Variants in GREM2 observed in about 807,000 individuals in gnomAD.
GREM2 encodes the protein gremlin 2, DAN family BMP antagonist.
In GREM2, 11 loss-of-function variants were observed where a neutral mutation model predicts 14.2. That is an observed-to-expected ratio of 0.78 (90% confidence interval 0.49 to 1.28). GREM2 has a LOEUF of 1.28. Among genes scored for constraint, GREM2 ranks in the 50% most tolerant of loss-of-function variants. The probability of loss-of-function intolerance (pLI) is 0.00; values close to 1 mark genes in which losing one functional copy is unlikely to be tolerated. For missense variants in GREM2, 210 were observed against 218.5 expected (o/e 0.96, Z 0.24); for synonymous variants, 98 against 97.6 (o/e 1.00, Z -0.02).
intron 1 of GREM2, among the ~76,000 whole-genome samples, chr1:240,514,247 CAAAAAAA>C (rs34702912): frequency 0.01 from 832 of 80,288 alleles, 10 homozygotes; most frequent in African/African-American, 0.037. Flanking sequence ...GATTCCATCT[CAAAAAAA>C]AAAAAAAAAA....
At chr1:240,564,445 T>C (rs1421181754) in intron 1 of GREM2, among the ~76,000 whole-genome samples, 1 of 148,962 alleles carries the variant, frequency 6.7e-6, no homozygotes, top group Non-Finnish European at 1.5e-5. Flanking sequence ...GAGATGGAGG[T>C]TGCAATGAGC....
intron 1 of GREM2, among the ~76,000 whole-genome samples, chr1:240,595,796 T>C (rs939003363): frequency 6.6e-6 from 1 of 152,192 alleles, no homozygotes; most frequent in Non-Finnish European, 1.5e-5. Context: ...GAGAATTAAA[T>C]GAGACTGTGT....
chr1:240,610,078 C>T (rs1027259793), intron 1 of GREM2, among the ~76,000 whole-genome samples: 8 of 152,074 alleles, frequency 5.3e-5, no homozygotes, highest in African/African-American at 1.4e-4. Flanking sequence ...CCGTCTCACA[C>T]TCACAAAGTT....
chr1:240,534,838 C>T (rs4559489), intron 1 of GREM2, among the ~76,000 whole-genome samples: 138,511 of 152,234 alleles, frequency 0.91, 63,047 homozygotes, highest in East Asian at 0.95. Context: ...GGTGTATGGG[C>T]GGGAAGAAGG....
At chr1:240,563,214 T>C (rs1173756774) in intron 1 of GREM2, among the ~76,000 whole-genome samples, 1 of 151,596 alleles carries the variant, frequency 6.6e-6, no homozygotes. Context: ...AGTGAGTGTG[T>C]GTTTGAGTGT....
intron 1 of GREM2, among the ~76,000 whole-genome samples, chr1:240,516,546 T>C (rs1293589332): frequency 6.6e-6 from 1 of 152,152 alleles, no homozygotes; most frequent in Non-Finnish European, 1.5e-5. Flanking sequence ...AAAACACATT[T>C]GGGGGCATCT....
chr1:240,580,186 T>G (rs554198537), intron 1 of GREM2, among the ~76,000 whole-genome samples: 1 of 152,180 alleles, frequency 6.6e-6, no homozygotes, highest in African/African-American at 2.4e-5. Flanking sequence ...AGCCCAGGAG[T>G]TCGAGACCAG....
chr1:240,509,409 C>T (rs1284052890), intron 1 of GREM2, among the ~76,000 whole-genome samples: 1 of 144,712 alleles, frequency 6.9e-6, no homozygotes, highest in African/African-American at 2.6e-5. Flanking sequence ...ACTCTTGTTG[C>T]CCAGGCTGGA....
chr1:240,593,883 T>G (rs527399008), intron 1 of GREM2, among the ~76,000 whole-genome samples: 128 of 152,084 alleles, frequency 8.4e-4, no homozygotes, highest in African/African-American at 2.9e-3. Flanking sequence ...GCTATCCCAG[T>G]GTTAATCGCA....
In GREM2 at chr1:240,493,350, C is replaced by G. The variant is rs1399168829; in HGVS notation, c.126G>C (p.Ser42=). The change falls in exon 2 of 2, where the codon TCG becomes TCC. Residue 42 remains serine (S), a synonymous_variant. Transcript: ENST00000318160. ...CCTTGATCTGGTGCTGCCATCTCTC[C>G]GAGTTGTTGCTGCTGCCGTCCTTGT... is the stretch of plus-strand genomic sequence containing the variant. ...SPYKDGSSNN[S]ERWQHQIKEV... 1.9e-6 allele frequency: 3 copies of G among 1,614,036 alleles called. No homozygotes were observed. Among genetic ancestry groups the G allele is most frequent in the Non-Finnish European group, 2.5e-6 (3 of 1,180,036 alleles).
Position 240,542,660 on chromosome 1 carries a change from T to C in GREM2, c.-1-49184A>G, listed in dbSNP as rs1678619030. Among the ~76,000 whole-genome samples the C allele has an allele frequency of 6.6e-6, 1 of 151,902 alleles. No individual in the cohort carries two copies. The highest frequency in any genetic ancestry group is 2.1e-4 in the South Asian group (1 of 4,812). ...TAAATAAAAATTTCTAAAGAGCTGA[T>C]ATATTTTTCTCAGAAGGCTTGATCA... is the stretch of plus-strand genomic sequence containing the variant. On this transcript the variant is annotated intron_variant, in intron 1 of 1. Transcript: ENST00000318160. This position sits in a 1 kb window ranked among gnomAD's most constrained non-coding sequence, Gnocchi z 4.1.
intron 1 of GREM2, among the ~76,000 whole-genome samples, chr1:240,590,010 C>T (rs1679675043): frequency 6.6e-6 from 1 of 152,080 alleles, no homozygotes; most frequent in African/African-American, 2.4e-5. Context: ...TCCCAGGACA[C>T]ATGGTGGGAG....
chr1:240,541,817 A>C (rs1678595387), intron 1 of GREM2, among the ~76,000 whole-genome samples: 1 of 151,832 alleles, frequency 6.6e-6, no homozygotes, highest in South Asian at 2.1e-4. Flanking sequence ...ATCTGAGGGA[A>C]CCACTCAGGC....
chr1:240,563,148 AGTGTGT>A (rs1679103785), intron 1 of GREM2, among the ~76,000 whole-genome samples: 1 of 121,696 alleles, frequency 8.2e-6, no homozygotes, highest in South Asian at 2.6e-4. Flanking sequence ...TGTGTGTGTG[AGTGTGT>A]ATGTGTGTAC....
intron 1 of GREM2, among the ~76,000 whole-genome samples, chr1:240,606,249 G>T (rs1367433770): frequency 1.3e-5 from 2 of 152,172 alleles, no homozygotes; most frequent in Non-Finnish European, 1.5e-5. Context: ...AATAGCCTCT[G>T]CCCTCAGGGG....
chr1:240,547,892 A>G (rs1265838006), intron 1 of GREM2, among the ~76,000 whole-genome samples: 2 of 152,074 alleles, frequency 1.3e-5, no homozygotes, highest in East Asian at 3.9e-4. Context: ...AAGTAAGTAA[A>G]TGCATGAGAG....
intron 1 of GREM2, among the ~76,000 whole-genome samples, chr1:240,573,502 A>G (rs1280582658): frequency 6.6e-6 from 1 of 152,066 alleles, no homozygotes; most frequent in East Asian, 1.9e-4. Flanking sequence ...GTTTTAAACC[A>G]TTGCATTTAG....
intron 1 of GREM2, among the ~76,000 whole-genome samples, chr1:240,605,640 T>C (rs1680010588): frequency 6.6e-6 from 1 of 152,024 alleles, no homozygotes; most frequent in Admixed American, 6.6e-5. Context: ...AATCCAAAAA[T>C]CACAGCGTTT....
At chr1:240,546,534 G>A (rs748825777) in intron 1 of GREM2, among the ~76,000 whole-genome samples, 4 of 152,050 alleles carry the variant, frequency 2.6e-5, no homozygotes, top group South Asian at 2.1e-4. Context: ...CTCTGCCTCC[G>A]CCATGTTCCT....
Sources: gnomAD v4.1 joint callset for allele counts (sites outside exome capture counted in the v4.1 genomes callset) on GRCh38, gnomAD v4.1.1 for gene constraint, Gnocchi (gnomAD v3.1) non-coding constraint, MANE v1.5 for transcripts, NCBI Gene and HGNC (gene_info 2026-07-23, HGNC 2026-07-21) for gene names.